COX7B2: variants seen among roughly 807,000 people sequenced by gnomAD.
The protein encoded by COX7B2 is cytochrome c oxidase subunit 7B2.
For synonymous variants in COX7B2, 37 were observed against 32.1 expected, an observed-to-expected ratio of 1.15 and a Z score of -0.51; for missense variants, 109 against 95.9, an observed-to-expected ratio of 1.14 and a Z score of -0.57.
intron 2 of COX7B2, among the ~76,000 whole-genome samples, chr4:46,765,669 C>T (rs1716489876): frequency 1.3e-5 from 2 of 151,866 alleles, no homozygotes; most frequent in Non-Finnish European, 2.9e-5. Context: ...CAGGCCCACA[C>T]CAACATCAGC....
At chr4:46,796,278 CG>C (rs1560386215) in intron 2 of COX7B2, among the ~76,000 whole-genome samples, 1 of 145,358 alleles carries the variant, frequency 6.9e-6, no homozygotes, top group Admixed American at 6.8e-5. Context: ...TGTCTTGTGC[CG>C]GTTTTCAAAG....
chr4:46,827,591 T>C (rs180797772), intron 2 of COX7B2, among the ~76,000 whole-genome samples: 2 of 152,202 alleles, frequency 1.3e-5, no homozygotes, highest in Admixed American at 1.3e-4. Flanking sequence ...AATAAAAACC[T>C]TTTGTGTCTT....
Position 46,907,848 on chromosome 4 carries a change from C to CTTTTTTTTTTTTTTTTTTTTTTTTTTTTT in COX7B2, c.-105+1311_-105+1312insAAAAAAAAAAAAAAAAAAAAAAAAAAAAA, listed in dbSNP as rs35024713. 3.5e-4 allele frequency among the ~76,000 whole-genome samples: 21 copies of CTTTTTTTTTTTTTTTTTTTTTTTTTTTTT among 59,730 alleles called. 5 individuals carry two copies. The highest frequency in any genetic ancestry group is 1.4e-3 in the South Asian group (2 of 1,454). 39.2% of individuals were successfully genotyped at this position (59,730 alleles called of 152,430 possible). On this transcript the variant is annotated intron_variant, in intron 1 of 2. Coordinates refer to ENST00000355591, the MANE Select transcript of COX7B2 (RefSeq NM_130902.3). Reference sequence around the variant, plus strand: ...TATAAAAGATCAGAATTTGAGCAGACTTTTTTTTTTTTTTTTTTTTTTTTG... The same window carrying CTTTTTTTTTTTTTTTTTTTTTTTTTTTTT: ...TATAAAAGATCAGAATTTGAGCAGACTTTTTTTTTTTTTTTTTTTTTTTTTTTTTTTTTTTTTTTTTTTTTTTTTTTTTG...
intron 2 of COX7B2, among the ~76,000 whole-genome samples, chr4:46,833,041 G>A (rs2109733571): frequency 6.6e-6 from 1 of 152,200 alleles, no homozygotes; most frequent in Middle Eastern, 3.4e-3. Context: ...GAGTAGCTGG[G>A]ATTACAAGCA....
rs1577604075 is a variant in COX7B2, at chr4:46,818,307, T to C, written c.-50+26653A>G. Reference sequence around the variant, plus strand: ...AGGTCCATTGTTCAGAGAATTGCAGTGAACTTGATAAAGAATACATGAACA... The same window carrying C: ...AGGTCCATTGTTCAGAGAATTGCAGCGAACTTGATAAAGAATACATGAACA... On this transcript the variant is annotated intron_variant, in intron 2 of 2. Transcript: ENST00000355591. 3.3e-5 allele frequency among the ~76,000 whole-genome samples: 5 copies of C among 152,184 alleles called. No homozygotes were observed. The South Asian group carries it at 1.0e-3, about 32-fold the overall frequency.
intron 2 of COX7B2, among the ~76,000 whole-genome samples, chr4:46,843,094 C>T (rs1365994007): frequency 2.6e-5 from 4 of 152,030 alleles, no homozygotes; most frequent in Non-Finnish European, 4.4e-5. Flanking sequence ...GATCACCATT[C>T]TAACTGGTGT....
intron 2 of COX7B2, among the ~76,000 whole-genome samples, chr4:46,826,180 A>T (rs1714677219): frequency 6.6e-6 from 1 of 152,170 alleles, no homozygotes; most frequent in Admixed American, 6.5e-5. Context: ...TTTACAAGAG[A>T]AAAACAACCC....
In COX7B2 at chr4:46,907,847, A is replaced by AATTT. The variant is rs1308450950; in HGVS notation, c.-105+1312_-105+1313insAAAT. Among the ~76,000 whole-genome samples, 2 of 67,200 alleles carry AATTT rather than the reference A, an allele frequency of 3.0e-5. 1 individual carries two copies. Among genetic ancestry groups the AATTT allele is most frequent in the Admixed American group, 3.3e-4 (2 of 6,150 alleles). 44.1% of individuals were successfully genotyped at this position (67,200 alleles called of 152,430 possible). A position where few individuals can be genotyped will look rare whatever the true frequency, so the allele number is the denominator to read the frequency against. ...ATATAAAAGATCAGAATTTGAGCAG[A>AATTT]CTTTTTTTTTTTTTTTTTTTTTTTT... On this transcript the variant is annotated intron_variant, in intron 1 of 2. Coordinates refer to ENST00000355591, the MANE Select transcript of COX7B2 (RefSeq NM_130902.3).
chr4:46,787,405 C>G (rs1717805803), intron 2 of COX7B2, among the ~76,000 whole-genome samples: 1 of 151,946 alleles, frequency 6.6e-6, no homozygotes, highest in Non-Finnish European at 1.5e-5. Flanking sequence ...CGAGATCGTG[C>G]CATTGCACTC....
At chr4:46,800,548 C>A (rs1039666547) in intron 2 of COX7B2, among the ~76,000 whole-genome samples, 61 of 152,214 alleles carry the variant, frequency 4.0e-4, no homozygotes, top group African/African-American at 1.4e-3. Flanking sequence ...ACTGGCTAGC[C>A]ATATGCAGAA....
chr4:46,793,422 TAGGC>T (rs1718152930), intron 2 of COX7B2, among the ~76,000 whole-genome samples: 1 of 152,180 alleles, frequency 6.6e-6, no homozygotes, highest in Non-Finnish European at 1.5e-5. Flanking sequence ...CCTTTGGATT[TAGGC>T]GGTTTTTTAT....
chr4:46,906,842 G>A (rs1329983647), intron 1 of COX7B2, among the ~76,000 whole-genome samples: 1 of 152,126 alleles, frequency 6.6e-6, no homozygotes, highest in African/African-American at 2.4e-5. Context: ...CTTCTTGCCT[G>A]GCTCATTCCA....
chr4:46,771,425 A>G (rs1716870426), intron 2 of COX7B2, among the ~76,000 whole-genome samples: 1 of 152,124 alleles, frequency 6.6e-6, no homozygotes, highest in South Asian at 2.1e-4. Context: ...TAAAAATAAA[A>G]ATATAACCAC....
At chr4:46,843,637 A>G (rs2109761204) in intron 2 of COX7B2, among the ~76,000 whole-genome samples, 1 of 152,190 alleles carries the variant, frequency 6.6e-6, no homozygotes, top group Middle Eastern at 3.4e-3. Context: ...AGAAAAAAAT[A>G]AAAGCAAAAG....
intron 1 of COX7B2, among the ~76,000 whole-genome samples, chr4:46,888,063 C>G (rs1719188430): frequency 6.6e-6 from 1 of 152,200 alleles, no homozygotes; most frequent in South Asian, 2.1e-4. Flanking sequence ...CAACATTTCA[C>G]AGTGATGATC....
intron 2 of COX7B2, among the ~76,000 whole-genome samples, chr4:46,775,335 T>A (rs1040849307): frequency 2.6e-5 from 4 of 152,116 alleles, no homozygotes; most frequent in Non-Finnish European, 5.9e-5. Flanking sequence ...AAAAGAATAA[T>A]CTCTATTCAG....
chr4:46,777,517 A>G (rs1301418893), intron 2 of COX7B2, among the ~76,000 whole-genome samples: 1 of 152,122 alleles, frequency 6.6e-6, no homozygotes, highest in Non-Finnish European at 1.5e-5. Flanking sequence ...ATGTAGAAAA[A>G]GAAAAGGAGG....
rs538189884 is a variant in COX7B2 at position 46,773,453 on chromosome 4, C to G, written c.-49-38212G>C. On this transcript the variant is annotated intron_variant, in intron 2 of 2. Transcript: ENST00000355591. ...GACTGTAAACTTTCTGAGGCCCCCCCAGTCATGCTGAACTGTGAGTCAATT... is the reference window on the plus strand; with the variant it reads ...GACTGTAAACTTTCTGAGGCCCCCCGAGTCATGCTGAACTGTGAGTCAATT... Among the ~76,000 whole-genome samples the G allele has an allele frequency of 2.0e-5, 3 of 152,268 alleles. No individual in the cohort carries two copies. In the South Asian group the frequency reaches 6.2e-4, roughly 32 times the overall value.
At chr4:46,811,724 T>C (rs1436096385) in intron 2 of COX7B2, among the ~76,000 whole-genome samples, 3 of 152,218 alleles carry the variant, frequency 2.0e-5, no homozygotes, top group Non-Finnish European at 4.4e-5. Flanking sequence ...CTTGTGTCTC[T>C]GAATTGATGT....
Sources: allele counts gnomAD v4.1 joint callset (sites outside exome capture counted in the v4.1 genomes callset), GRCh38; gene constraint gnomAD v4.1.1; transcripts MANE v1.5; gene names NCBI Gene and HGNC (gene_info 2026-07-23, HGNC 2026-07-21).